The following RBM39 variants were observed in gnomAD, a reference collection of about 807,000 sequenced individuals.
RBM39 encodes RNA-binding protein 39.
In RBM39, 12 loss-of-function variants were observed where a neutral mutation model predicts 79.6. The observed-to-expected ratio is 0.15, with a 90% CI of 0.10 to 0.24. The LOEUF is 0.24. Among genes scored for constraint, RBM39 ranks in the 10% least tolerant of loss-of-function variants. The pLI is 1.00. For synonymous variants in RBM39, 185 were observed against 208.4 expected (o/e 0.89, Z 0.97); for missense variants, 243 against 653.4 (o/e 0.37, Z 6.85).
At chr20:35,722,462 T>C (rs2038094087) in intron 8 of RBM39, among the ~76,000 whole-genome samples, 1 of 145,936 alleles carries the variant, frequency 6.9e-6, no homozygotes, top group Non-Finnish European at 1.5e-5. Flanking sequence ...TAGAGGCTTT[T>C]TTTTTTTTTT....
chr20:35,726,360 T>C (rs974581320), intron 6 of RBM39, among the ~76,000 whole-genome samples: 8 of 150,746 alleles, frequency 5.3e-5, no homozygotes, highest in Non-Finnish European at 1.0e-4. Flanking sequence ...CTTGATCTCC[T>C]GATCTCGTGA....
chr20:35,734,215 T>TATTG (rs1230359585), intron 3 of RBM39: 2 of 1,303,706 alleles, frequency 1.5e-6, no homozygotes, highest in Admixed American at 4.6e-5. Context: ...CACACTCCAA[T>TATTG]CACAAGGAGA....
At chr20:35,737,420 C>T (rs1391930044) in intron 3 of RBM39, among the ~76,000 whole-genome samples, 5 of 146,488 alleles carry the variant, frequency 3.4e-5, no homozygotes, top group African/African-American at 1.3e-4. Flanking sequence ...ATTAGCCAGG[C>T]GTGGTGGCAG....
intron 3 of RBM39, chr20:35,735,165 CTG>C: frequency 1.4e-6 from 2 of 1,380,828 alleles, no homozygotes. Flanking sequence ...TATATTTCAA[CTG>C]TGTCATTTTA....
chr20:35,724,446 A>T, intron 8 of RBM39, 124 bp downstream of exon 8: 1 of 894,960 alleles, frequency 1.1e-6, no homozygotes, highest in Non-Finnish European at 1.6e-6. Context: ...AAAAAAAAAA[A>T]AGTCCTGAAA....
intron 8 of RBM39, among the ~76,000 whole-genome samples, chr20:35,724,053 C>T (rs530865056): frequency 6.6e-6 from 1 of 151,936 alleles, no homozygotes; most frequent in East Asian, 1.9e-4. Flanking sequence ...AAAACAAGGC[C>T]AGGTGTGGTG....
chr20:35,738,300 C>T (rs1480105208), intron 3 of RBM39, among the ~76,000 whole-genome samples: 1 of 152,162 alleles, frequency 6.6e-6, no homozygotes, highest in Non-Finnish European at 1.5e-5. Context: ...TGGATCTCAT[C>T]ATATCTGTTA....
chr20:35,705,347 A>G lies in RBM39; in HGVS notation c.1308-17T>C, dbSNP rs1283629435. ...TCTTCTTCTCTGTAAGAAAGTATTA[A>G]GGACTCTTAAATACTATTGAAACTA... is the stretch of plus-strand genomic sequence containing the variant. On this transcript the variant is annotated splice_polypyrimidine_tract_variant and intron_variant, in intron 14 of 16. Coordinates refer to ENST00000253363, the MANE Select transcript of RBM39 (RefSeq NM_184234.3). 3 of 1,399,678 alleles carry G rather than the reference A, an allele frequency of 2.1e-6. No individual in the cohort carries two copies. The highest frequency in any genetic ancestry group is 3.0e-6 in the Non-Finnish European group (3 of 1,002,080). The allele number at this position is 1,399,678 out of a possible 1,614,324, so 86.7% of individuals were successfully genotyped here.
At position 35,740,813 on chromosome 20, in the gene RBM39, T is replaced by A. The variant is rs376417712; in HGVS notation, c.51+11A>T. ...GAAATATATAAACCTCACCGACATG[T>A]TTTTTCTCACCTTCTTGTAAGGAGC... On this transcript the variant is annotated intron_variant, in intron 2 of 16. Coordinates refer to ENST00000253363, the MANE Select transcript of RBM39 (RefSeq NM_184234.3). 5.0e-5 allele frequency: 80 copies of A among 1,606,148 alleles called. No homozygotes were observed. The highest frequency in any genetic ancestry group is 1.7e-4 in the Middle Eastern group (1 of 6,034).
chr20:35,715,470 ACAGCC>A (rs1401606071), intron 10 of RBM39, among the ~76,000 whole-genome samples: 1 of 152,162 alleles, frequency 6.6e-6, no homozygotes, highest in Non-Finnish European at 1.5e-5. Context: ...GCCACCACAC[ACAGCC>A]CAAAAACACT....
Position 35,729,367 on chromosome 20 carries a change from T to G in RBM39, c.363-2A>C. The G allele has an allele frequency of 6.2e-7, 1 of 1,606,584 alleles. No individual in the cohort carries two copies. Among genetic ancestry groups the G allele is most frequent in the Non-Finnish European group, 8.5e-7 (1 of 1,178,382 alleles). Reference sequence around the variant, plus strand: ...CTTTTGCTTCGGGAACGTCGTCTGCTGCAAAGTTAAAAAGTTTCAGAAGTT... The same window carrying G: ...CTTTTGCTTCGGGAACGTCGTCTGCGGCAAAGTTAAAAAGTTTCAGAAGTT... On this transcript the variant is annotated splice_acceptor_variant, in intron 5 of 16. Transcript: ENST00000253363. LOFTEE classifies it high-confidence loss of function.
intron 8 of RBM39, among the ~76,000 whole-genome samples, chr20:35,722,938 GA>G (rs11479374): frequency 0.25 from 24,166 of 97,506 alleles, 2,108 homozygotes; most frequent in African/African-American, 0.33. Flanking sequence ...CGTCTCAAGA[GA>G]AAAAAAAAAA....
At chr20:35,713,487 G>A (rs922168487) in intron 11 of RBM39, 7 of 157,972 alleles carry the variant, frequency 4.4e-5, no homozygotes, top group South Asian at 3.4e-4. Context: ...CACCATGACC[G>A]GCTAATTTTT....
In RBM39 at chr20:35,721,643, A is replaced by C. The variant is rs1048939473; in HGVS notation, c.825+97T>G. On this transcript the variant is annotated intron_variant, in intron 9 of 16. Coordinates refer to ENST00000253363, the MANE Select transcript of RBM39 (RefSeq NM_184234.3). Reference sequence around the variant, plus strand: ...AACCAGCCCTTATCCTCTTAATATTAACTCACAGAAAGATAACAAAGCAAG... The same window carrying C: ...AACCAGCCCTTATCCTCTTAATATTCACTCACAGAAAGATAACAAAGCAAG... 8 of 1,384,294 alleles carry C rather than the reference A, an allele frequency of 5.8e-6. No homozygotes were observed. The African/African-American group carries it at 1.0e-4, about 18-fold the overall frequency. The allele number at this position is 1,384,294 out of a possible 1,614,324, so 85.8% of individuals were successfully genotyped here.
At chr20:35,708,256 A>C (rs571904333) in intron 13 of RBM39, among the ~76,000 whole-genome samples, 2 of 152,208 alleles carry the variant, frequency 1.3e-5, no homozygotes, top group South Asian at 4.1e-4. Flanking sequence ...GTGTATTATA[A>C]CTGTGCAAAA....
At chr20:35,715,901 T>A (rs987840771) in intron 10 of RBM39, among the ~76,000 whole-genome samples, 2 of 151,854 alleles carry the variant, frequency 1.3e-5, no homozygotes, top group African/African-American at 4.8e-5. Context: ...TCTCTCCAAG[T>A]GACACACCTG....
At chr20:35,720,899 C>T (rs1345200182) in intron 9 of RBM39, among the ~76,000 whole-genome samples, 2 of 152,194 alleles carry the variant, frequency 1.3e-5, no homozygotes, top group African/African-American at 4.8e-5. Flanking sequence ...CAAATCTAAT[C>T]AGGCTACCAA....
chr20:35,732,472 C>A (rs886699295), intron 3 of RBM39: 4 of 242,948 alleles, frequency 1.6e-5, no homozygotes, highest in Non-Finnish European at 3.3e-5. Flanking sequence ...AGGAGAATTG[C>A]TCAAACCCGG....
chr20:35,717,296 A>C (rs1408051763), intron 9 of RBM39, among the ~76,000 whole-genome samples: 1 of 151,320 alleles, frequency 6.6e-6, no homozygotes. Flanking sequence ...CAAAACAAAA[A>C]CAAAAAAAAA....
Sources: gnomAD v4.1 joint callset for allele counts (sites outside exome capture counted in the v4.1 genomes callset) on GRCh38, gnomAD v4.1.1 for gene constraint, MANE v1.5 for transcripts, NCBI Gene and HGNC (gene_info 2026-07-23, HGNC 2026-07-21) for gene names.